Variants in MACROD2 observed in about 807,000 individuals in gnomAD.
MACROD2 encodes the protein mono-ADP ribosylhydrolase 2, also known as ADP-ribose glycohydrolase MACROD2.
In MACROD2, 36 loss-of-function variants were observed where a neutral mutation model predicts 70.4. The ratio of observed to expected loss-of-function variants is 0.51; its 90% CI spans 0.39 to 0.68. The LOEUF (loss-of-function observed/expected upper bound fraction) is 0.68. Ranked by LOEUF, MACROD2 falls within the 30% of genes least tolerant of loss-of-function variation. The pLI, the probability that MACROD2 is intolerant of heterozygous loss-of-function variation, is 0.00. For missense variants in MACROD2, 496 were observed against 538.4 expected, an observed-to-expected ratio of 0.92 and a Z score of 0.78; for synonymous variants, 172 against 178.8, an observed-to-expected ratio of 0.96 and a Z score of 0.30.
chr20:16,025,496 G>A (rs1180874358), intron 15 of MACROD2, among the ~76,000 whole-genome samples: 1 of 152,228 alleles, frequency 6.6e-6, no homozygotes, highest in Non-Finnish European at 1.5e-5. Context: ...AAGCTTGAAG[G>A]AAAAGGCCAG....
intron 8 of MACROD2, among the ~76,000 whole-genome samples, chr20:15,617,531 T>A (rs117476429): frequency 0.022 from 3,279 of 152,328 alleles, 50 homozygotes; most frequent in Middle Eastern, 0.048. Flanking sequence ...GTTGAACTGA[T>A]AAATATGAAT....
intron 3 of MACROD2, among the ~76,000 whole-genome samples, chr20:14,341,654 GA>G (rs1268560052): frequency 6.6e-6 from 1 of 151,960 alleles, no homozygotes; most frequent in Admixed American, 6.6e-5. Context: ...GAAAAGAAAA[GA>G]AAAAATAGTT....
At chr20:15,210,162 C>G (rs925968969) in intron 5 of MACROD2, among the ~76,000 whole-genome samples, 1 of 152,150 alleles carries the variant, frequency 6.6e-6, no homozygotes, top group Admixed American at 6.5e-5. Flanking sequence ...TCCAAGCAAG[C>G]TTTGTGAAAA....
intron 3 of MACROD2, among the ~76,000 whole-genome samples, chr20:14,441,693 T>A (rs2084125359): frequency 6.6e-6 from 1 of 152,200 alleles, no homozygotes; most frequent in Non-Finnish European, 1.5e-5. Context: ...CAGCATAGTT[T>A]CTGATACCCA....
intron 1 of MACROD2, chr20:13,996,494 C>G (rs1239382578): frequency 1.3e-5 from 2 of 152,818 alleles, no homozygotes; most frequent in Non-Finnish European, 2.9e-5. Flanking sequence ...TATTCCATCC[C>G]CATTCATGGG....
At chr20:15,383,822 T>C (rs2045676037) in intron 6 of MACROD2, among the ~76,000 whole-genome samples, 1 of 152,216 alleles carries the variant, frequency 6.6e-6, no homozygotes, top group Non-Finnish European at 1.5e-5. Context: ...GGAATTATAA[T>C]AGTATATTGG....
At chr20:14,530,036 T>G (rs1445219148) in intron 4 of MACROD2, among the ~76,000 whole-genome samples, 1 of 152,158 alleles carries the variant, frequency 6.6e-6, no homozygotes, top group Non-Finnish European at 1.5e-5. Flanking sequence ...GGATTATCAC[T>G]GGGTGACCGA....
rs916490153 is a variant in MACROD2, at chr20:14,949,320, A to G, written c.418+264361A>G. Among the ~76,000 whole-genome samples, 9 of 152,208 alleles carry G rather than the reference A, an allele frequency of 5.9e-5. No individual in the cohort carries two copies. The South Asian group carries it at 8.3e-4, about 14-fold the overall frequency. On this transcript the variant is annotated intron_variant, in intron 5 of 17. Coordinates refer to ENST00000684519, the MANE Select transcript of MACROD2 (RefSeq NM_001351661.2). The stretch of plus-strand genomic sequence containing the variant: ...TTCAGCATAGGAATGATACATTATC[A>G]TTTAGTGTAAGAAATTCATCTTTAA...
At chr20:14,075,298 A>G (rs532912272) in intron 2 of MACROD2, among the ~76,000 whole-genome samples, 2 of 152,328 alleles carry the variant, frequency 1.3e-5, no homozygotes, top group African/African-American at 4.8e-5. Context: ...ACTATGAATG[A>G]CAAATGCTTA....
chr20:15,593,397 C>T (rs543894683), intron 8 of MACROD2, among the ~76,000 whole-genome samples: 6 of 152,260 alleles, frequency 3.9e-5, no homozygotes, highest in South Asian at 4.2e-4. Context: ...TTGCAGAATT[C>T]GATTTGTATC....
intron 7 of MACROD2, among the ~76,000 whole-genome samples, chr20:15,433,130 A>G (rs1167839532): frequency 2.6e-5 from 4 of 152,056 alleles, no homozygotes; most frequent in African/African-American, 9.7e-5. Context: ...AGCATTCCCC[A>G]TGAGAACTGG....
intron 5 of MACROD2, among the ~76,000 whole-genome samples, chr20:14,759,014 A>G (rs562929361): frequency 6.6e-6 from 1 of 152,140 alleles, no homozygotes; most frequent in African/African-American, 2.4e-5. Context: ...TTTCAAGTTC[A>G]TATTCAATTC....
chr20:14,615,732 C>T (rs762076245), intron 4 of MACROD2, among the ~76,000 whole-genome samples: 17 of 152,016 alleles, frequency 1.1e-4, no homozygotes, highest in Non-Finnish European at 2.2e-4. Flanking sequence ...AATATGGAGA[C>T]ATAGGTGGGG....
chr20:15,464,908 A>T (rs2046865131), intron 7 of MACROD2, among the ~76,000 whole-genome samples: 1 of 152,120 alleles, frequency 6.6e-6, no homozygotes, highest in Non-Finnish European at 1.5e-5. Flanking sequence ...GCTCCTGGTA[A>T]ATGGGCATAA....
chr20:15,799,691 T>C (rs1164215358), intron 8 of MACROD2, among the ~76,000 whole-genome samples: 1 of 152,226 alleles, frequency 6.6e-6, no homozygotes, highest in Non-Finnish European at 1.5e-5. Context: ...CATTCATTCG[T>C]TAATGGACAG....
intron 7 of MACROD2, among the ~76,000 whole-genome samples, chr20:15,490,338 G>T (rs2047216856): frequency 6.6e-6 from 1 of 151,328 alleles, no homozygotes. Context: ...ACCCAGGCTG[G>T]AATGCAGCCT....
intron 3 of MACROD2, among the ~76,000 whole-genome samples, chr20:14,281,366 G>A (rs2122405707): frequency 6.6e-6 from 1 of 152,280 alleles, no homozygotes; most frequent in African/African-American, 2.4e-5. Flanking sequence ...GTCCAGAATA[G>A]GCAAATCCAT....
chr20:15,560,756 A>C (rs2146606010), intron 8 of MACROD2, among the ~76,000 whole-genome samples: 1 of 145,182 alleles, frequency 6.9e-6, no homozygotes, highest in South Asian at 2.3e-4. Flanking sequence ...GGGCATAACA[A>C]AGTCTCAAAA....
chr20:14,282,835 C>T (rs1568536968), intron 3 of MACROD2, among the ~76,000 whole-genome samples: 2 of 152,302 alleles, frequency 1.3e-5, no homozygotes, highest in Admixed American at 6.5e-5. Flanking sequence ...ATCACAAAGA[C>T]AGCACCAGGC....
Sources: allele counts gnomAD v4.1 joint callset (sites outside exome capture counted in the v4.1 genomes callset), GRCh38; gene constraint gnomAD v4.1.1; transcripts MANE v1.5; gene names NCBI Gene and HGNC (gene_info 2026-07-23, HGNC 2026-07-21).